Variants in MGAT3 observed in about 807,000 individuals in gnomAD.
MGAT3 encodes GlcNAc-T III.
In MGAT3, 9 loss-of-function variants were observed where a neutral mutation model predicts 29.8. The observed-to-expected ratio is 0.30, with a 90% CI of 0.18 to 0.53. The LOEUF is 0.53. Among genes scored for constraint, MGAT3 ranks in the 20% least tolerant of loss-of-function variants. The pLI, the probability that MGAT3 is intolerant of heterozygous loss-of-function variation, is 0.96. For synonymous variants in MGAT3, 397 were observed against 348.9 expected (o/e 1.14, Z -1.54); for missense variants, 557 against 769.5 (o/e 0.72, Z 3.27).
At chr22:39,480,955 C>T (rs1478683264) in intron 1 of MGAT3, among the ~76,000 whole-genome samples, 1 of 152,254 alleles carries the variant, frequency 6.6e-6, no homozygotes, top group Non-Finnish European at 1.5e-5. Context: ...AGTGTGGCCT[C>T]CTGGCTTCCC....
intron 1 of MGAT3, among the ~76,000 whole-genome samples, chr22:39,470,748 C>T (rs1354903195): frequency 1.3e-5 from 2 of 152,130 alleles, no homozygotes; most frequent in African/African-American, 4.8e-5. Flanking sequence ...TGTGTCAAGA[C>T]TCTGGATGTT....
rs1301914277 is a variant in MGAT3 at position 39,491,498 on chromosome 22, C to T, written c.*2549C>T. 1 of 166,916 alleles carries T rather than the reference C, an allele frequency of 6.0e-6. No individual in the cohort carries two copies. Among genetic ancestry groups the T allele is most frequent in the African/African-American group, 2.4e-5 (1 of 41,460 alleles). The allele number at this position is 166,916 out of a possible 1,614,324, so 10.3% of individuals were successfully genotyped here. A position where few individuals can be genotyped will look rare whatever the true frequency, so the allele number is the denominator to read the frequency against. ...CCCACGCCCCTGGCATCCTCAGTTG[C>T]TATGGGATGCCCCTCCAGGGCACCA... On this transcript the variant is annotated 3_prime_UTR_variant, in exon 2 of 2. Coordinates refer to ENST00000341184, the MANE Select transcript of MGAT3 (RefSeq NM_002409.5). This position sits in a 1 kb window ranked among gnomAD's most constrained non-coding sequence, Gnocchi z 5.5.
At chr22:39,471,601 G>T (rs1169081300) in intron 1 of MGAT3, among the ~76,000 whole-genome samples, 3 of 151,488 alleles carry the variant, frequency 2.0e-5, no homozygotes, top group Non-Finnish European at 4.4e-5. Context: ...GTCCTTGCCG[G>T]CCTTCCTCTG....
At chr22:39,474,485 G>C (rs1050429241) in intron 1 of MGAT3, among the ~76,000 whole-genome samples, 17 of 152,172 alleles carry the variant, frequency 1.1e-4, no homozygotes, top group African/African-American at 3.9e-4. Context: ...GTGTGCCTGT[G>C]GGGGTGGAAT....
chr22:39,458,860 C>T (rs1293226713), intron 1 of MGAT3, among the ~76,000 whole-genome samples: 1 of 152,102 alleles, frequency 6.6e-6, no homozygotes, highest in African/African-American at 2.4e-5. Context: ...GAGATGAAAA[C>T]GGGGCAGAGG....
chr22:39,472,919 G>C (rs1019640403), intron 1 of MGAT3: 1 of 152,650 alleles, frequency 6.6e-6, no homozygotes, highest in Non-Finnish European at 1.5e-5. Context: ...GCTGGGAGGG[G>C]CCCAGGCAGG....
chr22:39,471,539 C>T (rs547150966), intron 1 of MGAT3, among the ~76,000 whole-genome samples: 6 of 152,278 alleles, frequency 3.9e-5, no homozygotes, highest in Admixed American at 2.6e-4. Flanking sequence ...CTCCGTTCCT[C>T]CTTCCTTCGC....
intron 1 of MGAT3, among the ~76,000 whole-genome samples, chr22:39,471,141 G>A (rs890723667): frequency 6.6e-6 from 1 of 152,194 alleles, no homozygotes. Context: ...ACATCTCTGG[G>A]AGCCCTGGGG....
intron 1 of MGAT3, among the ~76,000 whole-genome samples, chr22:39,470,837 T>G (rs1466441986): frequency 3.9e-5 from 6 of 152,178 alleles, no homozygotes; most frequent in Non-Finnish European, 8.8e-5. Flanking sequence ...TTCAGTGACC[T>G]GCCCAAGATC....
chr22:39,476,108 C>A (rs978668319), intron 1 of MGAT3, among the ~76,000 whole-genome samples: 3 of 151,732 alleles, frequency 2.0e-5, no homozygotes, highest in African/African-American at 7.3e-5. Flanking sequence ...TGGGAAAGTC[C>A]TCAGGCAGCC....
chr22:39,469,286 T>C (rs1476291715), intron 1 of MGAT3, among the ~76,000 whole-genome samples: 1 of 152,086 alleles, frequency 6.6e-6, no homozygotes, highest in Non-Finnish European at 1.5e-5. Flanking sequence ...AGTCACAGGT[T>C]ACTAGCTCAG....
At chr22:39,471,599 C>T (rs532909174) in intron 1 of MGAT3, among the ~76,000 whole-genome samples, 7 of 152,004 alleles carry the variant, frequency 4.6e-5, no homozygotes, top group Admixed American at 6.5e-5. Flanking sequence ...CAGTCCTTGC[C>T]GGCCTTCCTC....
In MGAT3 at chr22:39,479,662, T is replaced by C. The variant is rs530202965; in HGVS notation, c.-1-7685T>C. 3.9e-5 allele frequency among the ~76,000 whole-genome samples: 6 copies of C among 152,358 alleles called. No individual in the cohort carries two copies. In the South Asian group the frequency reaches 1.0e-3, roughly 26 times the overall value. On this transcript the variant is annotated intron_variant, in intron 1 of 1. Coordinates refer to ENST00000341184, the MANE Select transcript of MGAT3 (RefSeq NM_002409.5). Reference sequence around the variant, plus strand: ...ATAATAATAGAAGAGCTAGCACTTATCATTGAGTGCTTACTGTGTGCTAGG... The same window carrying C: ...ATAATAATAGAAGAGCTAGCACTTACCATTGAGTGCTTACTGTGTGCTAGG...
Position 39,489,284 on chromosome 22 carries a change from T to G in MGAT3, c.*335T>G. The G allele has an allele frequency of 5.9e-6, 2 of 339,182 alleles. No homozygotes were observed. The highest frequency in any genetic ancestry group is 5.7e-6 in the Non-Finnish European group (1 of 175,598). 21.0% of individuals were successfully genotyped at this position (339,182 alleles called of 1,614,324 possible). A position where few individuals can be genotyped will look rare whatever the true frequency, so the allele number is the denominator to read the frequency against. On this transcript the variant is annotated 3_prime_UTR_variant, in exon 2 of 2. Coordinates refer to ENST00000341184, the MANE Select transcript of MGAT3 (RefSeq NM_002409.5). ...GTAGGCAGGATTGGGGAAGAGAGCCTGCAGGATCTCACCAGGCAGCCTCTG... is the reference window on the plus strand; with the variant it reads ...GTAGGCAGGATTGGGGAAGAGAGCCGGCAGGATCTCACCAGGCAGCCTCTG...
At chr22:39,472,409 C>T (rs1452885452) in intron 1 of MGAT3, among the ~76,000 whole-genome samples, 4 of 152,196 alleles carry the variant, frequency 2.6e-5, no homozygotes, top group South Asian at 2.1e-4. Flanking sequence ...TCCCTATCCT[C>T]GTCCCACTGA....
rs78935896 is a variant in MGAT3 at position 39,475,723 on chromosome 22, A to G, written c.-1-11624A>G. ...CCATCTCTCCAGCGGTGCTGGCACG[A>G]TGGACCCGGTTGACTCCCTGCCTCC... On this transcript the variant is annotated intron_variant, in intron 1 of 1. Coordinates refer to ENST00000341184, the MANE Select transcript of MGAT3 (RefSeq NM_002409.5). The G allele has an allele frequency of 2.3e-3, 354 of 152,624 alleles. 9 individuals are homozygous for G. The East Asian group carries it at 0.057, about 24-fold the overall frequency. 9.5% of individuals were successfully genotyped at this position (152,624 alleles called of 1,614,324 possible). A position where few individuals can be genotyped will look rare whatever the true frequency, so the allele number is the denominator to read the frequency against.
At chr22:39,468,892 G>C (rs1349492189) in intron 1 of MGAT3, among the ~76,000 whole-genome samples, 1 of 151,916 alleles carries the variant, frequency 6.6e-6, no homozygotes, top group African/African-American at 2.4e-5. Context: ...GAGATTGAAG[G>C]GTGAGATTAC....
At chr22:39,481,302 C>A (rs1929120077) in intron 1 of MGAT3, among the ~76,000 whole-genome samples, 1 of 152,250 alleles carries the variant, frequency 6.6e-6, no homozygotes, top group Admixed American at 6.5e-5. Context: ...CCACTCCATT[C>A]ATCACTGGAC....
In MGAT3 at chr22:39,490,821, CCCAGGCCTGGCCT is replaced by C. The variant is rs1929433134; in HGVS notation, c.*1874_*1886del. 6.0e-6 allele frequency: 1 copy of C among 166,494 alleles called. No individual in the cohort carries two copies. Among genetic ancestry groups the C allele is most frequent in the Admixed American group, 6.6e-5 (1 of 15,246 alleles). 10.3% of individuals were successfully genotyped at this position (166,494 alleles called of 1,614,324 possible). A position where few individuals can be genotyped will look rare whatever the true frequency, so the allele number is the denominator to read the frequency against. Reference sequence around the variant, plus strand: ...TTGTGTATGGATGGAAGAGGCCAGGCCCAGGCCTGGCCTCTTCCTCGGGCCTGTGGCCACACCT... The same window carrying C: ...TTGTGTATGGATGGAAGAGGCCAGGCCTTCCTCGGGCCTGTGGCCACACCT... On this transcript the variant is annotated 3_prime_UTR_variant, in exon 2 of 2. Transcript: ENST00000341184.
Sources: gnomAD v4.1 joint callset for allele counts (sites outside exome capture counted in the v4.1 genomes callset) on GRCh38, gnomAD v4.1.1 for gene constraint, Gnocchi (gnomAD v3.1) non-coding constraint, MANE v1.5 for transcripts, NCBI Gene and HGNC (gene_info 2026-07-23, HGNC 2026-07-21) for gene names.